The following PTPRH variants were observed in gnomAD, a reference collection of about 807,000 sequenced individuals.
PTPRH encodes protein tyrosine phosphatase receptor type H, also known as receptor-type tyrosine-protein phosphatase H.
A neutral mutation model predicts 130.2 loss-of-function variants in PTPRH; 113 were observed. The ratio of observed to expected loss-of-function variants is 0.87; its 90% CI spans 0.75 to 1.01. The LOEUF (loss-of-function observed/expected upper bound fraction) is 1.01, where lower values mean the gene tolerates loss of function less well. PTPRH is among the 50% of genes least tolerant of loss of function. PTPRH has a pLI of 0.00. For synonymous variants in PTPRH, 556 were observed against 577.9 expected, an observed-to-expected ratio of 0.96 and a Z score of 0.54; for missense variants, 1,430 against 1,425.0, an observed-to-expected ratio of 1.00 and a Z score of -0.06.
At position 55,204,066 on chromosome 19, in the gene PTPRH, A is replaced by G; in HGVS notation, c.620-18T>C. 1 of 1,602,504 alleles carries G rather than the reference A, an allele frequency of 6.2e-7. No homozygotes were observed. Among genetic ancestry groups the G allele is most frequent in the Non-Finnish European group, 8.5e-7 (1 of 1,173,056 alleles). On this transcript the variant is annotated intron_variant, in intron 4 of 19. Coordinates refer to ENST00000376350, the MANE Select transcript of PTPRH (RefSeq NM_002842.5). Reference sequence around the variant, plus strand: ...GTTGTGAGCTGAGAAATTAGGAAGAAAGATCTAATATGAGCAGGACTACAG... The same window carrying G: ...GTTGTGAGCTGAGAAATTAGGAAGAGAGATCTAATATGAGCAGGACTACAG...
intron 13 of PTPRH, 63 bp from the exon 14 acceptor site, chr19:55,187,666 C>T: frequency 2.5e-6 from 3 of 1,215,036 alleles, no homozygotes; most frequent in Non-Finnish European, 3.7e-6. Context: ...TCGGGGGTAC[C>T]CCCGAGCTCC....
intron 8 of PTPRH, 120 bp downstream of exon 8, chr19:55,198,523 G>T: frequency 1.8e-6 from 2 of 1,118,394 alleles, no homozygotes; most frequent in Non-Finnish European, 1.2e-6. Flanking sequence ...TTAAGCTCCG[G>T]CCGGTGAGGC....
At chr19:55,194,357 C>T in intron 10 of PTPRH, 1 of 1,226,736 alleles carries the variant, frequency 8.2e-7, no homozygotes, top group Non-Finnish European at 1.0e-6. Flanking sequence ...GTACGGGAGA[C>T]TTGGCCTCAC....
At chr19:55,206,518 A>G (rs2087061604) in intron 3 of PTPRH, among the ~76,000 whole-genome samples, 171 bp downstream of exon 3, 1 of 151,732 alleles carries the variant, frequency 6.6e-6, no homozygotes, top group South Asian at 2.1e-4. Flanking sequence ...CAGGCTGACC[A>G]GTTTCTTTTT....
At chr19:55,207,353 AC>A (rs2122375702) in intron 1 of PTPRH, 154 bp from the exon 2 acceptor site, 2 of 762,540 alleles carry the variant, frequency 2.6e-6, no homozygotes, top group East Asian at 5.5e-5. Flanking sequence ...CACGACCTCG[AC>A]CGTCTTTCCT....
At chr19:55,187,416 C>G in intron 14 of PTPRH, 97 bp downstream of exon 14, 4 of 775,952 alleles carry the variant, frequency 5.2e-6, no homozygotes, top group Non-Finnish European at 6.2e-6. Flanking sequence ...CGGTAGGGGG[C>G]AGGACTTGTT....
At chr19:55,207,326 G>C in intron 1 of PTPRH, 127 bp from the exon 2 acceptor site, 1 of 1,035,404 alleles carries the variant, frequency 9.7e-7, no homozygotes, top group Non-Finnish European at 1.4e-6. Flanking sequence ...GGAGGGGCCG[G>C]TGTTAGGCTG....
intron 3 of PTPRH, among the ~76,000 whole-genome samples, chr19:55,206,318 GTTTTC>G (rs894174725): frequency 2.2e-5 from 3 of 135,716 alleles, no homozygotes; most frequent in African/African-American, 8.4e-5. Flanking sequence ...GTTTTCTTTT[GTTTTC>G]TTTTCTTTTT....
In PTPRH at chr19:55,197,361, C is replaced by A. The variant is rs1368412189; in HGVS notation, c.1746G>T (p.Met582Ile). 9 of 1,614,076 alleles carry A rather than the reference C, an allele frequency of 5.6e-6. No individual in the cohort carries two copies. Among genetic ancestry groups the A allele is most frequent in the African/African-American group, 1.3e-5 (1 of 74,946 alleles). The change falls in exon 9 of 20, where the codon ATG becomes ATT. Residue 582 changes from methionine to isoleucine, a missense_variant. Physicochemically the swap from Met to Ile is conservative, Grantham distance 10 (BLOSUM62 1). Transcript: ENST00000376350. ...GGTCTCCAGGGGCCTTCCACCACAG[C>A]ATGACTGAGTTCTTAGTCTGAGTTT... Reference protein sequence around the residue: ...QNETQTKNSVMLWWKAPGDPH... With the variant: ...QNETQTKNSVILWWKAPGDPH...
At chr19:55,182,656 C>G (rs1247602915) in intron 18 of PTPRH, among the ~76,000 whole-genome samples, 3 of 152,094 alleles carry the variant, frequency 2.0e-5, no homozygotes, top group Admixed American at 6.5e-5. Context: ...CTCCATTGTA[C>G]AAATGGGGAA....
At chr19:55,194,790 G>A (rs1341393032) in intron 10 of PTPRH, among the ~76,000 whole-genome samples, 1 of 152,050 alleles carries the variant, frequency 6.6e-6, no homozygotes, top group Admixed American at 6.5e-5. Flanking sequence ...AAAAACATAC[G>A]TCCACACAAA....
chr19:55,207,295 T>C, intron 1 of PTPRH, 96 bp from the exon 2 acceptor site: 1 of 1,353,982 alleles, frequency 7.4e-7, no homozygotes, highest in Non-Finnish European at 1.0e-6. Context: ...CCCCGCCCCA[T>C]GAGTCACCCT....
Position 55,185,938 on chromosome 19 carries a change from T to C in PTPRH, c.2825A>G (p.His942Arg). 1 of 1,614,058 alleles carries C rather than the reference T, an allele frequency of 6.2e-7. No individual in the cohort carries two copies. Among genetic ancestry groups the C allele is most frequent in the Non-Finnish European group, 8.5e-7 (1 of 1,179,968 alleles). The change falls in exon 17 of 20, where the codon CAT (histidine) becomes CGT (arginine). Residue 942 changes from histidine to arginine, a missense_variant. His to Arg is a conservative substitution (Grantham distance 29, BLOSUM62 0). Coordinates refer to ENST00000376350, the MANE Select transcript of PTPRH (RefSeq NM_002842.5). Reference sequence around the variant, plus strand: ...TACCAGGGTTACCCGCAGGTGCCCATGGGTGCAGGGCTGCGAGTCCAGAGG... The same window carrying C: ...TACCAGGGTTACCCGCAGGTGCCCACGGGTGCAGGGCTGCGAGTCCAGAGG... ...YWPLDSQPCT[H>R]GHLRVTLVGE...
intron 18 of PTPRH, among the ~76,000 whole-genome samples, chr19:55,184,805 T>TAATAA (rs1468994145): frequency 8.6e-5 from 13 of 150,766 alleles, no homozygotes; most frequent in African/African-American, 1.9e-4. Flanking sequence ...TAAAATAAAA[T>TAATAA]AATAAAATAA....
At chr19:55,189,265 C>T (rs1012426580) in intron 12 of PTPRH, among the ~76,000 whole-genome samples, 1 of 152,162 alleles carries the variant, frequency 6.6e-6, no homozygotes. Context: ...GGATTACAGG[C>T]GTGAGCCACC....
intron 18 of PTPRH, among the ~76,000 whole-genome samples, chr19:55,185,035 C>T (rs11882748): frequency 0.036 from 5,526 of 151,462 alleles, 338 homozygotes; most frequent in African/African-American, 0.13. Context: ...GACAGAGTCA[C>T]CCAGGCTGGA....
chr19:55,195,044 G>T (rs138371021), intron 10 of PTPRH, among the ~76,000 whole-genome samples: 7 of 152,248 alleles, frequency 4.6e-5, no homozygotes, highest in African/African-American at 1.2e-4. Context: ...TTAAAAATTA[G>T]CTGGGCATGG....
intron 4 of PTPRH, 89 bp from the exon 5 acceptor site, chr19:55,204,137 C>T (rs192086531): frequency 1.3e-4 from 172 of 1,375,638 alleles, no homozygotes; most frequent in Middle Eastern, 9.0e-4. Context: ...TTTGTTTTTT[C>T]GAGACAGAGT....
chr19:55,192,094 TGATTATAA>T (rs1320558840), intron 10 of PTPRH: 1 of 411,456 alleles, frequency 2.4e-6, no homozygotes, highest in Non-Finnish European at 4.8e-6. Flanking sequence ...TTTAGCTACT[TGATTATAA>T]GAATACAGCA....
Sources: gnomAD v4.1 joint callset for allele counts (sites outside exome capture counted in the v4.1 genomes callset) on GRCh38, gnomAD v4.1.1 for gene constraint, MANE v1.5 for transcripts, NCBI Gene and HGNC (gene_info 2026-07-23, HGNC 2026-07-21) for gene names.